The following KLRG1 variants were observed in gnomAD, a reference collection of about 807,000 sequenced individuals.
The protein encoded by KLRG1 is killer cell lectin like receptor G1, also known as killer cell lectin-like receptor subfamily G member 1.
In KLRG1, 16 loss-of-function variants were observed where a neutral mutation model predicts 21.8. The ratio of observed to expected loss-of-function variants is 0.73; its 90% CI spans 0.50 to 1.11. The LOEUF (loss-of-function observed/expected upper bound fraction) is 1.11, where lower values mean the gene tolerates loss of function less well. KLRG1 is among the 50% of genes most tolerant of loss of function. KLRG1 has a pLI of 0.00. For synonymous variants in KLRG1, 69 were observed against 75.9 expected (o/e 0.91, Z 0.47); for missense variants, 173 against 218.3 (o/e 0.79, Z 1.31).
the KLRG1 span, chr12:9,095,746 T>G: frequency 3.0e-5 from 32 of 1,065,658 alleles, no homozygotes; most frequent in Non-Finnish European, 3.5e-5. Flanking sequence ...TTGTGACTTT[T>G]TTTTTTTTTT....
the KLRG1 span, among the ~76,000 whole-genome samples, chr12:9,173,138 G>C: frequency 2.0e-5 from 3 of 152,182 alleles, no homozygotes; most frequent in Non-Finnish European, 4.4e-5. Flanking sequence ...AGACGACAGT[G>C]CAATCAACTT....
At chr12:9,053,781 A>T in the KLRG1 span, among the ~76,000 whole-genome samples, 1 of 152,202 alleles carries the variant, frequency 6.6e-6, no homozygotes, top group Non-Finnish European at 1.5e-5. Context: ...CAACTTGAAC[A>T]TTATAAAATG....
the KLRG1 span, among the ~76,000 whole-genome samples, chr12:9,078,792 T>C: frequency 6.6e-6 from 1 of 152,354 alleles, no homozygotes; most frequent in South Asian, 2.1e-4. Flanking sequence ...ATTGCTTTAC[T>C]TTAGGGATTT....
At chr12:9,125,088 C>G in the KLRG1 span, among the ~76,000 whole-genome samples, 9 of 152,210 alleles carry the variant, frequency 5.9e-5, no homozygotes, top group East Asian at 1.5e-3. Context: ...AGAGGAACTA[C>G]CCTCTCTGCT....
At chr12:8,952,202 T>C (rs895208960) in intron 1 of KLRG1, among the ~76,000 whole-genome samples, 11 of 152,216 alleles carry the variant, frequency 7.2e-5, no homozygotes, top group Admixed American at 7.2e-4. Context: ...TTGTTCACCT[T>C]GTTTAGAAAG....
At chr12:8,992,079 C>G in intron 1 of KLRG1, 127 bp from the exon 2 acceptor site, 1 of 695,834 alleles carries the variant, frequency 1.4e-6, no homozygotes, top group Non-Finnish European at 2.5e-6. Flanking sequence ...GAAAAGGAAT[C>G]TTTATGGCCT....
the KLRG1 span, among the ~76,000 whole-genome samples, chr12:9,161,378 T>C: frequency 6.6e-6 from 1 of 152,230 alleles, no homozygotes; most frequent in Non-Finnish European, 1.5e-5. Flanking sequence ...AGCAGTAATA[T>C]TATTATATCT....
the KLRG1 span, among the ~76,000 whole-genome samples, chr12:9,088,508 A>G: frequency 6.6e-6 from 1 of 152,160 alleles, no homozygotes. Flanking sequence ...TTTATGTGTT[A>G]CATCTTGGCA....
In KLRG1 at chr12:8,992,287, T is replaced by C. The variant is rs148446780; in HGVS notation, c.164T>C (p.Leu55Pro). 983 of 1,613,168 alleles carry C rather than the reference T, an allele frequency of 6.1e-4. 1 individual carries two copies. Among genetic ancestry groups the C allele is most frequent in the Non-Finnish European group, 7.6e-4 (897 of 1,179,496 alleles). Residue 55 changes from leucine to proline, a missense_variant, in exon 2 of 5, where the codon CTA becomes CCA. Physicochemically the swap from Leu to Pro is moderately conservative, Grantham distance 98. Around this residue, in one of 3 missense-constraint regions of KLRG1, gnomAD observed 144 missense variants for 161.5 expected, o/e 0.89. Coordinates refer to ENST00000356986, the MANE Select transcript of KLRG1 (RefSeq NM_005810.4). ...ACTGCAGTTCTTCTGAGTGTGCTGCTATACCAGTGGATCCTGTGCCAGGGT... is the reference window on the plus strand; with the variant it reads ...ACTGCAGTTCTTCTGAGTGTGCTGCCATACCAGTGGATCCTGTGCCAGGGT... Reference protein sequence around the residue: ...LLTAVLLSVLLYQWILCQGSN... With the variant: ...LLTAVLLSVLPYQWILCQGSN...
the KLRG1 span, among the ~76,000 whole-genome samples, chr12:9,109,575 AG>A: frequency 6.6e-5 from 10 of 152,214 alleles, no homozygotes; most frequent in Admixed American, 6.5e-4. Flanking sequence ...ATTTCAGTTG[AG>A]GGACTATGAG....
chr12:9,109,985 A>G, the KLRG1 span: 1 of 1,613,692 alleles, frequency 6.2e-7, no homozygotes, highest in Non-Finnish European at 8.5e-7. Flanking sequence ...GCTTGAGGCC[A>G]CCCTCTAACT....
chr12:9,181,847 A>T, the KLRG1 span: 1 of 1,041,686 alleles, frequency 9.6e-7, no homozygotes. Context: ...TGGGTCTGCC[A>T]TAAACTTGTT....
chr12:9,136,104 T>C, the KLRG1 span, among the ~76,000 whole-genome samples: 11 of 152,080 alleles, frequency 7.2e-5, no homozygotes, highest in African/African-American at 2.7e-4. Flanking sequence ...CCTGGGAAAA[T>C]GGTCAGACTT....
At chr12:9,046,440 T>C in the KLRG1 span, among the ~76,000 whole-genome samples, 2 of 152,284 alleles carry the variant, frequency 1.3e-5, no homozygotes, top group African/African-American at 4.8e-5. Context: ...CCAAGACATC[T>C]GCACCTAAGC....
chr12:9,012,345 T>C (rs1188672847), downstream of KLRG1, among the ~76,000 whole-genome samples: 1 of 152,084 alleles, frequency 6.6e-6, no homozygotes, highest in Non-Finnish European at 1.5e-5. Context: ...GGACCTAGTT[T>C]CTGGATGATA....
the KLRG1 span, chr12:9,201,413 T>C: frequency 9.4e-6 from 12 of 1,273,852 alleles, no homozygotes; most frequent in Non-Finnish European, 1.2e-5. Context: ...TTCAGACTTG[T>C]GATCAAACAA....
the KLRG1 span, among the ~76,000 whole-genome samples, chr12:9,019,956 C>G: frequency 6.6e-6 from 1 of 152,146 alleles, no homozygotes; most frequent in Non-Finnish European, 1.5e-5. Flanking sequence ...AAATCTCACT[C>G]TTTTCCTCCA....
At chr12:9,201,860 A>G in the KLRG1 span, among the ~76,000 whole-genome samples, 1 of 152,116 alleles carries the variant, frequency 6.6e-6, no homozygotes, top group South Asian at 2.1e-4. Flanking sequence ...AGTTGAAAAA[A>G]GGGAAATTCA....
At chr12:9,112,051 G>C in the KLRG1 span, 1 of 1,036,632 alleles carries the variant, frequency 9.6e-7, no homozygotes, top group Non-Finnish European at 1.5e-6. Flanking sequence ...AGAAGTTACT[G>C]TTAATGATAC....
Sources: allele counts gnomAD v4.1 joint callset (sites outside exome capture counted in the v4.1 genomes callset), GRCh38; gene constraint gnomAD v4.1.1; regional missense constraint gnomAD v4.1.1; transcripts MANE v1.5; gene names NCBI Gene and HGNC (gene_info 2026-07-23, HGNC 2026-07-21).